The following LRMDA variants were observed in gnomAD, a reference collection of about 807,000 sequenced individuals.
LRMDA encodes leucine rich melanocyte differentiation associated, also known as leucine-rich melanocyte differentiation-associated protein.
A neutral mutation model predicts 29.8 loss-of-function variants in LRMDA; 18 were observed. The ratio of observed to expected loss-of-function variants is 0.60; its 90% confidence interval spans 0.42 to 0.90. LRMDA has a LOEUF of 0.90. Among genes scored for constraint, LRMDA ranks in the 40% least tolerant of loss-of-function variants. The pLI, the probability that LRMDA is intolerant of heterozygous loss-of-function variation, is 0.00. For missense variants in LRMDA, 273 were observed against 273.9 expected, an observed-to-expected ratio of 1.00 and a Z score of 0.02; for synonymous variants, 125 against 109.4, an observed-to-expected ratio of 1.14 and a Z score of -0.89.
intron 5 of LRMDA, among the ~76,000 whole-genome samples, chr10:76,167,029 T>A (rs1282674743): frequency 1.3e-5 from 2 of 152,236 alleles, no homozygotes; most frequent in Non-Finnish European, 2.9e-5. Context: ...GGTATCTCAT[T>A]GTGGTTTTAA....
intron 4 of LRMDA, among the ~76,000 whole-genome samples, chr10:76,054,356 T>C (rs567777589): frequency 6.6e-6 from 1 of 152,162 alleles, no homozygotes; most frequent in East Asian, 2.0e-4. Context: ...GGGCTGTCTC[T>C]TCGATTGTAT....
chr10:75,480,833 G>C (rs759250480), intron 2 of LRMDA, among the ~76,000 whole-genome samples: 27 of 152,200 alleles, frequency 1.8e-4, no homozygotes, highest in Non-Finnish European at 3.4e-4. Flanking sequence ...GTGGAGTGTG[G>C]AAGGAGAGTA....
chr10:75,822,978 G>A (rs182859461), intron 2 of LRMDA, among the ~76,000 whole-genome samples: 1 of 152,246 alleles, frequency 6.6e-6, no homozygotes, highest in Admixed American at 6.5e-5. Context: ...ATATAAAAAT[G>A]AGCTCAAGAT....
At chr10:76,431,491 A>G (rs1842190350) in intron 6 of LRMDA, among the ~76,000 whole-genome samples, 1 of 152,194 alleles carries the variant, frequency 6.6e-6, no homozygotes, top group African/African-American at 2.4e-5. Flanking sequence ...GGCTTGAGAA[A>G]GTCACTAGTC....
intron 2 of LRMDA, among the ~76,000 whole-genome samples, chr10:76,022,457 G>A (rs961916491): frequency 3.9e-5 from 6 of 152,192 alleles, no homozygotes; most frequent in African/African-American, 1.2e-4. Context: ...CACAAGCAAC[G>A]TGTTATTCTA....
intron 5 of LRMDA, among the ~76,000 whole-genome samples, chr10:76,133,077 T>A (rs1850028014): frequency 7.0e-6 from 1 of 142,148 alleles, no homozygotes. Flanking sequence ...CGCCTCAGCC[T>A]CCCAAAGTGC....
At chr10:75,484,493 CAGG>C (rs945510430) in intron 2 of LRMDA, among the ~76,000 whole-genome samples, 4 of 152,110 alleles carry the variant, frequency 2.6e-5, no homozygotes, top group Admixed American at 2.0e-4. Flanking sequence ...GAGCAATTGG[CAGG>C]AGTTTTCTTT....
chr10:75,509,592 C>G (rs918519590), intron 2 of LRMDA, among the ~76,000 whole-genome samples: 1 of 152,108 alleles, frequency 6.6e-6, no homozygotes, highest in African/African-American at 2.4e-5. Context: ...GACACTGAGC[C>G]CCAGAGAGGT....
intron 2 of LRMDA, among the ~76,000 whole-genome samples, chr10:75,726,276 G>A (rs1156814778): frequency 6.6e-6 from 1 of 152,154 alleles, no homozygotes; most frequent in Non-Finnish European, 1.5e-5. Flanking sequence ...GGTGAGTGGG[G>A]GTAATAGATT....
At chr10:75,450,388 T>A (rs796711966) in intron 2 of LRMDA, 1 of 151,928 alleles carries the variant, frequency 6.6e-6, no homozygotes, top group South Asian at 2.1e-4. Flanking sequence ...AATTTTTCAG[T>A]CTCTTGGGTG....
chr10:75,979,014 AT>A (rs1227643318), intron 2 of LRMDA, among the ~76,000 whole-genome samples: 2 of 152,202 alleles, frequency 1.3e-5, no homozygotes, highest in African/African-American at 4.8e-5. Flanking sequence ...CTTTCCATGC[AT>A]CACTTTGCTT....
chr10:75,773,442 G>A (rs1843269868), intron 2 of LRMDA, among the ~76,000 whole-genome samples: 1 of 152,194 alleles, frequency 6.6e-6, no homozygotes, highest in Non-Finnish European at 1.5e-5. Flanking sequence ...GGGGGTTCCT[G>A]TGTGGGTCCA....
intron 2 of LRMDA, among the ~76,000 whole-genome samples, chr10:75,623,559 C>G (rs1038104385): frequency 6.6e-6 from 1 of 152,160 alleles, no homozygotes; most frequent in Admixed American, 6.5e-5. Flanking sequence ...ACTGCAGGAG[C>G]TCAGCGTTTT....
chr10:76,191,777 G>A (rs879566491), intron 5 of LRMDA, among the ~76,000 whole-genome samples: 21 of 152,162 alleles, frequency 1.4e-4, no homozygotes, highest in Non-Finnish European at 2.8e-4. Context: ...CGATTACCTT[G>A]CAAAGGGCAT....
At chr10:76,451,396 G>A (rs1040780706) in intron 6 of LRMDA, among the ~76,000 whole-genome samples, 8 of 151,534 alleles carry the variant, frequency 5.3e-5, no homozygotes, top group African/African-American at 1.9e-4. Context: ...CAGTACAGAC[G>A]GGGTTTCACC....
At chr10:75,711,026 G>A (rs1389310512) in intron 2 of LRMDA, among the ~76,000 whole-genome samples, 7 of 152,196 alleles carry the variant, frequency 4.6e-5, no homozygotes, top group African/African-American at 1.7e-4. Context: ...TGTGGAAGCG[G>A]TCTCACAGTG....
intron 2 of LRMDA, among the ~76,000 whole-genome samples, chr10:75,736,122 T>C (rs1289260144): frequency 6.6e-6 from 1 of 152,176 alleles, no homozygotes; most frequent in East Asian, 1.9e-4. Flanking sequence ...ACCAATATTA[T>C]GGTGTAAAAT....
chr10:76,338,964 A>C (rs1841003291), intron 6 of LRMDA, among the ~76,000 whole-genome samples: 1 of 152,186 alleles, frequency 6.6e-6, no homozygotes, highest in African/African-American at 2.4e-5. Flanking sequence ...CATGGCTTTG[A>C]AATTCATAAA....
At position 76,403,859 on chromosome 10, in the gene LRMDA, C is replaced by G. The variant is rs115477667; in HGVS notation, c.601+79374C>G. Among the ~76,000 whole-genome samples, 751 of 152,244 alleles carry G rather than the reference C, an allele frequency of 4.9e-3. 8 individuals are homozygous for G. The highest frequency in any genetic ancestry group is 0.017 in the African/African-American group (718 of 41,556). On this transcript the variant is annotated intron_variant, in intron 6 of 6. Transcript: ENST00000611255. ...AATCCACTGGGTTGTGAAGAGTTCT[C>G]TTTTCCTAGTTTCCCCCCTGGCCTT...
Sources: gnomAD v4.1 joint callset for allele counts (sites outside exome capture counted in the v4.1 genomes callset) on GRCh38, gnomAD v4.1.1 for gene constraint, MANE v1.5 for transcripts, NCBI Gene and HGNC (gene_info 2026-07-23, HGNC 2026-07-21) for gene names.